The following ZNF516 variants were observed in gnomAD, a reference collection of about 807,000 sequenced individuals.
ZNF516 encodes the protein zinc finger protein 516.
A neutral mutation model predicts 79.7 loss-of-function variants in ZNF516; 19 were observed. The observed-to-expected ratio is 0.24, with a 90% confidence interval of 0.17 to 0.35. The LOEUF is 0.35. Ranked by LOEUF, ZNF516 falls within the 10% of genes least tolerant of loss-of-function variation. The pLI, the probability that ZNF516 is intolerant of heterozygous loss-of-function variation, is 1.00. For synonymous variants in ZNF516, 877 were observed against 739.5 expected (o/e 1.19, Z -3.02); for missense variants, 1,678 against 1,679.5 (o/e 1.00, Z 0.02).
At chr18:76,402,022 C>T (rs1005740247) in intron 3 of ZNF516, among the ~76,000 whole-genome samples, 8 of 152,078 alleles carry the variant, frequency 5.3e-5, no homozygotes, top group East Asian at 2.0e-4. Flanking sequence ...TGTGTGTACA[C>T]GTGCGCGCAT....
At chr18:76,385,783 C>CCCT (rs2074981062) in intron 3 of ZNF516, 1 of 143,642 alleles carries the variant, frequency 7.0e-6, no homozygotes, top group Non-Finnish European at 1.5e-5. Flanking sequence ...ACTGCCCCCC[C>CCCT]CCCGGGAGCT....
In ZNF516 at chr18:76,442,671, C is replaced by G. The variant is rs1265784884; in HGVS notation, c.384G>C (p.Leu128=). The part of the protein sequence containing the change: ...TKSASACNRL[L]NGASQADGAR... ...CGCCGTCGGCCTGCGAGGCCCCGTT[C>G]AGCAGCCGGTTGCAGGCCGAGGCGC... The change falls in exon 3 of 7, where the codon CTG becomes CTC. Residue 128 remains leucine, a synonymous_variant. Coordinates refer to ENST00000443185, the MANE Select transcript of ZNF516 (RefSeq NM_014643.4). The G allele has an allele frequency of 8.2e-6, 13 of 1,584,704 alleles. No individual in the cohort carries two copies. The highest frequency in any genetic ancestry group is 1.1e-5 in the Non-Finnish European group (13 of 1,169,324).
chr18:76,395,470 A>C (rs1197324382), intron 3 of ZNF516, among the ~76,000 whole-genome samples: 1 of 152,210 alleles, frequency 6.6e-6, no homozygotes, highest in Non-Finnish European at 1.5e-5. Context: ...AACTGCTAAA[A>C]AGCATGAAGC....
intron 1 of ZNF516, among the ~76,000 whole-genome samples, chr18:76,480,697 T>C (rs1167670701): frequency 2.6e-5 from 4 of 152,034 alleles, no homozygotes; most frequent in Non-Finnish European, 1.5e-5. Flanking sequence ...TAATTTTGTA[T>C]TTTTAGTAGA....
chr18:76,444,744 C>A (rs986002486), intron 2 of ZNF516, among the ~76,000 whole-genome samples: 2 of 152,196 alleles, frequency 1.3e-5, no homozygotes, highest in African/African-American at 4.8e-5. Context: ...CCATACCTCC[C>A]CCACGGGGGT....
At chr18:76,437,311 T>C in intron 3 of ZNF516, among the ~76,000 whole-genome samples, 1 of 151,740 alleles carries the variant, frequency 6.6e-6, no homozygotes, top group East Asian at 1.9e-4. Flanking sequence ...CTGGTGACAG[T>C]GGAAAGAAGA....
At chr18:76,454,138 A>C (rs554166361) in intron 2 of ZNF516, among the ~76,000 whole-genome samples, 1 of 152,260 alleles carries the variant, frequency 6.6e-6, no homozygotes, top group Non-Finnish European at 1.5e-5. Context: ...GCCATAAGGC[A>C]TTCTGTTAAA....
At chr18:76,396,876 A>G (rs569058076) in intron 3 of ZNF516, among the ~76,000 whole-genome samples, 30 of 152,342 alleles carry the variant, frequency 2.0e-4, no homozygotes, top group Middle Eastern at 3.4e-3. Context: ...AGTTGTAGCT[A>G]TAATATCCAC....
intron 1 of ZNF516, among the ~76,000 whole-genome samples, chr18:76,470,887 G>C (rs1347113264): frequency 6.6e-6 from 1 of 152,128 alleles, no homozygotes; most frequent in Non-Finnish European, 1.5e-5. Context: ...CATGGTGGCA[G>C]GCGCCCGTAG....
chr18:76,486,179 G>A (rs1914822310), intron 1 of ZNF516, among the ~76,000 whole-genome samples: 1 of 152,146 alleles, frequency 6.6e-6, no homozygotes, highest in African/African-American at 2.4e-5. Flanking sequence ...AGTATCAACT[G>A]AGAAAGAATC....
At chr18:76,491,288 C>CTCCA (rs1476790392) in intron 1 of ZNF516, among the ~76,000 whole-genome samples, 1 of 129,678 alleles carries the variant, frequency 7.7e-6, no homozygotes, top group East Asian at 2.3e-4. Flanking sequence ...GGCCCCGGCC[C>CTCCA]CGGCCCCGGC....
intron 2 of ZNF516, among the ~76,000 whole-genome samples, chr18:76,454,612 T>A (rs1912609816): frequency 6.6e-6 from 1 of 152,246 alleles, no homozygotes; most frequent in Non-Finnish European, 1.5e-5. Flanking sequence ...TATCAGAGAA[T>A]GTTTACAAAG....
intron 3 of ZNF516, among the ~76,000 whole-genome samples, chr18:76,422,298 C>T (rs978773476): frequency 5.3e-5 from 8 of 152,220 alleles, no homozygotes; most frequent in African/African-American, 2.4e-5. Context: ...GCCGGTCCCT[C>T]GGCACTCCCT....
At chr18:76,487,867 C>T (rs964275423) in intron 1 of ZNF516, 10 of 908,652 alleles carry the variant, frequency 1.1e-5, no homozygotes, top group Admixed American at 6.2e-5. Context: ...TAGGCTGCTG[C>T]CACTACACTT....
chr18:76,439,773 C>T (rs1285983267), intron 3 of ZNF516, among the ~76,000 whole-genome samples: 1 of 151,954 alleles, frequency 6.6e-6, no homozygotes, highest in Admixed American at 6.6e-5. Context: ...AAAAAAAACC[C>T]ATAGTCCTAG....
intron 1 of ZNF516, chr18:76,492,265 C>G (rs1174643304): frequency 1.0e-6 from 1 of 985,364 alleles, no homozygotes; most frequent in Non-Finnish European, 1.2e-6. Context: ...GGTCCGTACG[C>G]TTCCCGAGGT....
chr18:76,420,457 G>C (rs199608912), intron 3 of ZNF516, among the ~76,000 whole-genome samples: 1 of 152,154 alleles, frequency 6.6e-6, no homozygotes, highest in South Asian at 2.1e-4. Context: ...AATCAGTAAA[G>C]TACTAGACTA....
chr18:76,408,495 T>C (rs377110109), intron 3 of ZNF516, among the ~76,000 whole-genome samples: 1 of 152,072 alleles, frequency 6.6e-6, no homozygotes. Flanking sequence ...AAGTACACTG[T>C]GAGGTTTAAG....
At position 76,371,560 on chromosome 18, in the gene ZNF516, T is replaced by C. The variant is rs763225961; in HGVS notation, c.3271A>G (p.Thr1091Ala). 2 of 1,609,888 alleles carry C rather than the reference T, an allele frequency of 1.2e-6. No homozygotes were observed. The highest frequency in any genetic ancestry group is 1.7e-5 in the Admixed American group (1 of 59,968). Reference sequence around the variant, plus strand: ...ACGAACTCTCCTGGCCGGGCCTGCGTCCGGAGTGTCCCTGCGGTGGCGAGG... The same window carrying C: ...ACGAACTCTCCTGGCCGGGCCTGCGCCCGGAGTGTCCCTGCGGTGGCGAGG... ...PGLEHRGTLR[T>A]QARPGEFVCI... The change falls in exon 5 of 7, where the codon ACG becomes GCG. Residue 1091 changes from threonine (T) to alanine (A), a missense_variant. Physicochemically the swap from Thr to Ala is moderately conservative, Grantham distance 58. Around this residue, in one of 5 missense-constraint regions of ZNF516, gnomAD observed 1,294 missense variants for 1,248.3 expected, o/e 1.04. Transcript: ENST00000443185.
Sources: gnomAD v4.1 joint callset for allele counts (sites outside exome capture counted in the v4.1 genomes callset) on GRCh38, gnomAD v4.1.1 for gene constraint, gnomAD v4.1.1 regional missense constraint, MANE v1.5 for transcripts, NCBI Gene and HGNC (gene_info 2026-07-23, HGNC 2026-07-21) for gene names.